The following GNAI1 variants were observed in gnomAD, a reference collection of about 807,000 sequenced individuals.
The protein encoded by GNAI1 is G protein subunit alpha i1.
A neutral mutation model predicts 38.9 loss-of-function variants in GNAI1; 11 were observed. The observed-to-expected ratio is 0.28, with a 90% CI of 0.18 to 0.47. The LOEUF (loss-of-function observed/expected upper bound fraction) is 0.47. Among genes scored for constraint, GNAI1 ranks in the 20% least tolerant of loss-of-function variants. GNAI1 has a pLI of 0.99. For synonymous variants in GNAI1, 166 were observed against 145.1 expected (o/e 1.14, Z -1.04); for missense variants, 317 against 436.9 (o/e 0.73, Z 2.45).
At chr7:80,217,242 A>AGTTTCATATGTATGAAACG in intron 7 of GNAI1, 61 bp from the exon 8 acceptor site, 1 of 1,077,344 alleles carries the variant, frequency 9.3e-7, no homozygotes, top group Non-Finnish European at 1.3e-6. Flanking sequence ...AACTGAATTC[A>AGTTTCATATGTATGAAACG]GTATTTTAAG....
intron 1 of GNAI1, among the ~76,000 whole-genome samples, chr7:80,183,321 C>T (rs1336307084): frequency 3.3e-5 from 5 of 151,968 alleles, no homozygotes; most frequent in African/African-American, 1.2e-4. Flanking sequence ...AATATAAGGA[C>T]CTTGATCTTA....
rs1292313896 is a variant in GNAI1, at chr7:80,173,611, A to AGG, written c.119-15338_119-15337dup. Among the ~76,000 whole-genome samples, 5 of 148,932 alleles carry AGG rather than the reference A, an allele frequency of 3.4e-5. No individual in the cohort carries two copies. The East Asian group carries it at 1.1e-3, about 31-fold the overall frequency. Reference sequence around the variant, plus strand: ...TGTGGGGGACAGCAGGTGGGTGGGAAGGGAGGGAAGAGTGGCTTAAACTCA... The same window carrying AGG: ...TGTGGGGGACAGCAGGTGGGTGGGAAGGGGGAGGGAAGAGTGGCTTAAACTCA... On this transcript the variant is annotated intron_variant, in intron 1 of 7. Transcript: ENST00000649796.
chr7:80,198,639 G>GC (rs1320438239), intron 3 of GNAI1, among the ~76,000 whole-genome samples: 2 of 151,906 alleles, frequency 1.3e-5, no homozygotes, highest in Admixed American at 1.3e-4. Flanking sequence ...CCCAACTTCT[G>GC]CCCCATTGAT....
intron 1 of GNAI1, among the ~76,000 whole-genome samples, chr7:80,172,219 T>C (rs2115567391): frequency 6.6e-6 from 1 of 152,348 alleles, no homozygotes; most frequent in African/African-American, 2.4e-5. Context: ...GAGGTGAGGC[T>C]GAAAGGTCTT....
chr7:80,190,054 A>G (rs1383298446), intron 3 of GNAI1, among the ~76,000 whole-genome samples: 2 of 151,884 alleles, frequency 1.3e-5, no homozygotes, highest in Middle Eastern at 3.4e-3. Context: ...ATAATTCTGT[A>G]TATTCAGTAT....
chr7:80,182,640 A>G (rs1413637404), intron 1 of GNAI1, among the ~76,000 whole-genome samples: 2 of 152,214 alleles, frequency 1.3e-5, no homozygotes, highest in Admixed American at 6.5e-5. Context: ...AAATCTCCCA[A>G]CCCAGGAATC....
In GNAI1 at chr7:80,219,027, TTGTGTGTGTGTGTGTGTGTG is replaced by T. The variant is rs57485323; in HGVS notation, c.*1548_*1567del. On this transcript the variant is annotated 3_prime_UTR_variant, in exon 8 of 8. Transcript: ENST00000649796. ...GTGTTGTCACTGGGTTGAAGTATAT[TTGTGTGTGTGTGTGTGTGTG>T]TGTGTGTGTGTGTAACCATAAACTA... The T allele has an allele frequency of 4.1e-5, 6 of 145,944 alleles. No individual in the cohort carries two copies. In the South Asian group the frequency reaches 6.7e-4, roughly 16 times the overall value. The allele number at this position is 145,944 out of a possible 1,614,324, so 9.0% of individuals were successfully genotyped here.
chr7:80,147,143 A>G (rs1274992656), intron 1 of GNAI1, among the ~76,000 whole-genome samples: 1 of 152,128 alleles, frequency 6.6e-6, no homozygotes, highest in East Asian at 1.9e-4. Flanking sequence ...AAGAGCCCCA[A>G]TAATAATGTT....
intron 1 of GNAI1, among the ~76,000 whole-genome samples, chr7:80,174,822 C>G (rs1459875634): frequency 6.6e-6 from 1 of 152,154 alleles, no homozygotes; most frequent in Admixed American, 6.5e-5. Flanking sequence ...AGGTGCTTTA[C>G]CCCATGTCAT....
chr7:80,165,274 A>G (rs1249044197), intron 1 of GNAI1, among the ~76,000 whole-genome samples: 1 of 152,308 alleles, frequency 6.6e-6, no homozygotes, highest in African/African-American at 2.4e-5. Flanking sequence ...TAAAAGAGAT[A>G]TTAGGTGACC....
intron 7 of GNAI1, among the ~76,000 whole-genome samples, chr7:80,214,171 G>A (rs10256687): frequency 0.54 from 81,714 of 151,858 alleles, 23,084 homozygotes; most frequent in East Asian, 0.79. Context: ...CTCTTTTTGT[G>A]TACGGTGAAA....
Position 80,202,731 on chromosome 7 carries a change from G to A in GNAI1, c.462-973G>A, listed in dbSNP as rs971897406. Reference sequence around the variant, plus strand: ...AGTTATCAGTCACCTTATAGGTCTCGTAATAAAAACACTGCGGTGATGGTC... The same window carrying A: ...AGTTATCAGTCACCTTATAGGTCTCATAATAAAAACACTGCGGTGATGGTC... On this transcript the variant is annotated intron_variant, in intron 4 of 7. Coordinates refer to ENST00000649796, the MANE Select transcript of GNAI1 (RefSeq NM_002069.6). Among the ~76,000 whole-genome samples the A allele has an allele frequency of 5.3e-5, 8 of 152,088 alleles. 1 individual carries two copies. Among genetic ancestry groups the A allele is most frequent in the African/African-American group, 9.7e-5 (4 of 41,416 alleles).
intron 1 of GNAI1, chr7:80,135,934 G>T: frequency 1.0e-6 from 1 of 985,366 alleles, no homozygotes; most frequent in Middle Eastern, 5.2e-4. Context: ...CACCCAAGTG[G>T]GGTTGGGAAG....
intron 1 of GNAI1, among the ~76,000 whole-genome samples, chr7:80,138,073 A>C (rs1787456221): frequency 6.6e-6 from 1 of 152,226 alleles, no homozygotes; most frequent in Non-Finnish European, 1.5e-5. Context: ...ACGTATAACC[A>C]GTGTCACAGC....
chr7:80,155,648 A>G (rs1238355564), intron 1 of GNAI1, among the ~76,000 whole-genome samples: 1 of 152,110 alleles, frequency 6.6e-6, no homozygotes, highest in African/African-American at 2.4e-5. Flanking sequence ...AAGATCAGTG[A>G]TTATAATTGA....
chr7:80,202,754 G>A (rs1788711824), intron 4 of GNAI1, among the ~76,000 whole-genome samples: 1 of 152,138 alleles, frequency 6.6e-6, no homozygotes, highest in Non-Finnish European at 1.5e-5. Flanking sequence ...TGCGGTGATG[G>A]TCTCTACATT....
intron 1 of GNAI1, among the ~76,000 whole-genome samples, chr7:80,154,361 T>C (rs868270689): frequency 3.9e-5 from 6 of 152,352 alleles, no homozygotes; most frequent in South Asian, 2.1e-4. Context: ...TGTGTGAATT[T>C]GGTGAATTTT....
At chr7:80,191,622 C>T (rs956348421) in intron 3 of GNAI1, among the ~76,000 whole-genome samples, 5 of 152,102 alleles carry the variant, frequency 3.3e-5, no homozygotes, top group Non-Finnish European at 7.4e-5. Context: ...GAGCTCCTGG[C>T]CTCAAGTAAT....
At chr7:80,186,912 A>C (rs1178426439) in intron 1 of GNAI1, 1 of 152,172 alleles carries the variant, frequency 6.6e-6, no homozygotes, top group East Asian at 1.9e-4. Flanking sequence ...CTTTTCATGG[A>C]GCCAAGCACA....
Sources: gnomAD v4.1 joint callset for allele counts (sites outside exome capture counted in the v4.1 genomes callset) on GRCh38, gnomAD v4.1.1 for gene constraint, MANE v1.5 for transcripts, NCBI Gene and HGNC (gene_info 2026-07-23, HGNC 2026-07-21) for gene names.